Variants in RGS21 observed in about 807,000 individuals in gnomAD.
RGS21 encodes the protein regulator of G protein signaling 21.
Under a neutral mutation model 18.7 loss-of-function variants are expected in RGS21, and 19 were observed. The observed-to-expected ratio is 1.01, with a 90% CI of 0.71 to 1.49. The LOEUF (loss-of-function observed/expected upper bound fraction) is 1.49. Ranked by LOEUF, RGS21 falls within the 40% of genes most tolerant of loss-of-function variation. The pLI is 0.00. For synonymous variants in RGS21, 56 were observed against 57.8 expected, an observed-to-expected ratio of 0.97 and a Z score of 0.14; for missense variants, 194 against 176.8, an observed-to-expected ratio of 1.10 and a Z score of -0.55.
chr1:192,336,928 G>C (rs985418931), intron 1 of RGS21, among the ~76,000 whole-genome samples: 1 of 152,080 alleles, frequency 6.6e-6, no homozygotes, highest in Non-Finnish European at 1.5e-5. Flanking sequence ...TTTCTATTCA[G>C]AATAGTTTAT....
At chr1:192,354,075 G>A (rs1019726699) in intron 4 of RGS21, among the ~76,000 whole-genome samples, 5 of 151,376 alleles carry the variant, frequency 3.3e-5, no homozygotes, top group Non-Finnish European at 5.9e-5. Context: ...ATATTACACC[G>A]ATTGCAATCT....
intron 1 of RGS21, among the ~76,000 whole-genome samples, chr1:192,338,546 T>TG (rs1410692362): frequency 1.3e-5 from 2 of 152,134 alleles, no homozygotes; most frequent in African/African-American, 4.8e-5. Flanking sequence ...TGCTGTGACC[T>TG]GTGCAAGAGA....
intron 1 of RGS21, among the ~76,000 whole-genome samples, chr1:192,337,357 A>G (rs1175275554): frequency 2.0e-5 from 3 of 152,066 alleles, no homozygotes; most frequent in Non-Finnish European, 2.9e-5. Flanking sequence ...CTAATTTCTT[A>G]TCAAATTTTT....
chr1:192,358,763 C>T (rs540808982), intron 4 of RGS21, among the ~76,000 whole-genome samples: 16 of 152,208 alleles, frequency 1.1e-4, no homozygotes, highest in African/African-American at 3.6e-4. Flanking sequence ...AACAGGTACA[C>T]TTTAAAATGT....
intron 1 of RGS21, among the ~76,000 whole-genome samples, chr1:192,330,757 C>A (rs1433267792): frequency 1.3e-5 from 2 of 152,110 alleles, no homozygotes; most frequent in Admixed American, 6.5e-5. Flanking sequence ...CTAAATGAGA[C>A]CTGACAAGTC....
intron 1 of RGS21, among the ~76,000 whole-genome samples, chr1:192,326,908 TA>T (rs1557973944): frequency 6.6e-6 from 1 of 151,888 alleles, no homozygotes; most frequent in East Asian, 1.9e-4. Flanking sequence ...ATAGTAAAGT[TA>T]AAAGAGCTCT....
Position 192,324,399 on chromosome 1 carries a change from G to A in RGS21, c.-61+7294G>A, listed in dbSNP as rs181946355. ...GAGATCTGCTTCACAGCAAGATAAG[G>A]CATTAGCAGTTGCACTTAACAATTT... On this transcript the variant is annotated intron_variant, in intron 1 of 4. Transcript: ENST00000417209. Among the ~76,000 whole-genome samples, 6 of 152,134 alleles carry A rather than the reference G, an allele frequency of 3.9e-5. No individual in the cohort carries two copies. In the East Asian group the frequency reaches 1.2e-3, roughly 29 times the overall value.
At chr1:192,364,907 C>A (rs1182692091) in intron 4 of RGS21, among the ~76,000 whole-genome samples, 1 of 151,944 alleles carries the variant, frequency 6.6e-6, no homozygotes, top group Non-Finnish European at 1.5e-5. Context: ...CCGAGGCAGG[C>A]AGGTCATCTG....
chr1:192,331,237 T>TA (rs1658642987), intron 1 of RGS21, among the ~76,000 whole-genome samples: 3 of 152,076 alleles, frequency 2.0e-5, no homozygotes, highest in Non-Finnish European at 2.9e-5. Flanking sequence ...TGATCTGATT[T>TA]TAAAAAAAAA....
chr1:192,365,619 T>A (rs550012054), intron 4 of RGS21, among the ~76,000 whole-genome samples: 3 of 152,192 alleles, frequency 2.0e-5, no homozygotes, highest in Non-Finnish European at 2.9e-5. Context: ...AAAGAAAAGG[T>A]AGGTGAAAAA....
At chr1:192,347,923 G>C (rs1393759041) in intron 3 of RGS21, among the ~76,000 whole-genome samples, 1 of 152,008 alleles carries the variant, frequency 6.6e-6, no homozygotes, top group Admixed American at 6.6e-5. Context: ...GCATCCCAAA[G>C]TGCTGGGATT....
At chr1:192,318,359 C>G (rs1658448184) in intron 1 of RGS21, among the ~76,000 whole-genome samples, 1 of 152,092 alleles carries the variant, frequency 6.6e-6, no homozygotes, top group Non-Finnish European at 1.5e-5. Context: ...AAGCAATCTC[C>G]TCTGGTTTGA....
intron 1 of RGS21, among the ~76,000 whole-genome samples, chr1:192,340,109 T>C (rs1658836618): frequency 6.6e-6 from 1 of 152,112 alleles, no homozygotes; most frequent in Non-Finnish European, 1.5e-5. Flanking sequence ...TAAAGTTTTA[T>C]ATTCCTCCAG....
intron 2 of RGS21, 68 bp downstream of exon 2, chr1:192,343,115 A>C: frequency 7.2e-7 from 1 of 1,397,832 alleles, no homozygotes; most frequent in Non-Finnish European, 1.0e-6. Context: ...GTCTTCTTTT[A>C]GTCTCGATGT....
rs111424409 is a variant in RGS21, at chr1:192,352,605, G to A, written c.255+392G>A. ...GAATTAGACAAAGTCAATATGGATA[G>A]CATTCTTGAATATTTAAAAACAAAG... On this transcript the variant is annotated intron_variant, in intron 4 of 4. Transcript: ENST00000417209. Among the ~76,000 whole-genome samples the A allele has an allele frequency of 1.4e-3, 210 of 152,130 alleles. 3 individuals carry two copies. The highest frequency in any genetic ancestry group is 4.7e-3 in the African/African-American group (197 of 41,556).
chr1:192,331,169 C>T (rs905770354), intron 1 of RGS21, among the ~76,000 whole-genome samples: 1 of 152,118 alleles, frequency 6.6e-6, no homozygotes, highest in Non-Finnish European at 1.5e-5. Context: ...CTGTATGCAG[C>T]CACGCAAATT....
At chr1:192,332,432 C>T (rs904501874) in intron 1 of RGS21, among the ~76,000 whole-genome samples, 8 of 152,024 alleles carry the variant, frequency 5.3e-5, no homozygotes, top group East Asian at 1.9e-4. Flanking sequence ...CAACCTTGTT[C>T]GAAACTTCAC....
At chr1:192,348,635 T>C (rs1187611250) in intron 3 of RGS21, among the ~76,000 whole-genome samples, 2 of 152,118 alleles carry the variant, frequency 1.3e-5, no homozygotes, top group Non-Finnish European at 2.9e-5. Context: ...TAAAATATCT[T>C]AGTTAACACA....
intron 1 of RGS21, among the ~76,000 whole-genome samples, chr1:192,332,685 T>C (rs939275319): frequency 6.6e-6 from 1 of 152,188 alleles, no homozygotes; most frequent in Non-Finnish European, 1.5e-5. Flanking sequence ...TACTAGGAAG[T>C]AATATTTGCA....
Sources: gnomAD v4.1 joint callset for allele counts (sites outside exome capture counted in the v4.1 genomes callset) on GRCh38, gnomAD v4.1.1 for gene constraint, MANE v1.5 for transcripts, NCBI Gene and HGNC (gene_info 2026-07-23, HGNC 2026-07-21) for gene names.